Variants in SP3 observed in about 807,000 individuals in gnomAD.
SP3 encodes Sp3 transcription factor, also known as transcription factor Sp3.
SP3 carries 10 observed loss-of-function variants against 70.3 expected under a neutral mutation model. That is an observed-to-expected ratio of 0.14 (90% CI 0.09 to 0.24). The LOEUF (loss-of-function observed/expected upper bound fraction) is 0.24, where lower values mean the gene tolerates loss of function less well. SP3 is among the 10% of genes least tolerant of loss of function. The probability of loss-of-function intolerance (pLI) is 1.00; values close to 1 mark genes in which losing one functional copy is unlikely to be tolerated. For missense variants in SP3, 825 were observed against 914.6 expected, an observed-to-expected ratio of 0.90 and a Z score of 1.26; for synonymous variants, 402 against 333.5, an observed-to-expected ratio of 1.21 and a Z score of -2.24.
rs567931963 is a variant in SP3 at position 173,900,924 on chromosome 2, T to C, written c.*9017A>G. 2.0e-5 allele frequency among the ~76,000 whole-genome samples: 3 copies of C among 152,328 alleles called. No individual in the cohort carries two copies. Among genetic ancestry groups the C allele is most frequent in the Admixed American group, 6.5e-5 (1 of 15,288 alleles). On this transcript the variant is annotated 3_prime_UTR_variant, in exon 7 of 7. Transcript: ENST00000310015. ...ATTCTAATAAAAAACCTTAACCCGATTGTTTAATTCTACATAATCATTTAA... is the reference window on the plus strand; with the variant it reads ...ATTCTAATAAAAAACCTTAACCCGACTGTTTAATTCTACATAATCATTTAA...
intron 4 of SP3, among the ~76,000 whole-genome samples, chr2:173,952,100 C>CTTT (rs1285520909): frequency 8.7e-5 from 11 of 125,772 alleles, no homozygotes; most frequent in Non-Finnish European, 1.7e-4. Context: ...AGGCTCACTT[C>CTTT]ATTTTTTTTT....
At chr2:173,943,251 A>T (rs1370498410) in intron 4 of SP3, among the ~76,000 whole-genome samples, 3 of 152,116 alleles carry the variant, frequency 2.0e-5, no homozygotes, top group Admixed American at 6.5e-5. Flanking sequence ...GGCGTATATT[A>T]TCTGGCCCCT....
chr2:173,959,442 C>A (rs996355457), intron 3 of SP3, among the ~76,000 whole-genome samples: 1 of 150,560 alleles, frequency 6.6e-6, no homozygotes, highest in Non-Finnish European at 1.5e-5. Context: ...AACGTACAAC[C>A]GTGACAGGGC....
At chr2:173,922,915 A>G (rs1443551582) in intron 4 of SP3, among the ~76,000 whole-genome samples, 1 of 152,196 alleles carries the variant, frequency 6.6e-6, no homozygotes, top group Non-Finnish European at 1.5e-5. Flanking sequence ...TTGGCAGTAC[A>G]GTTCCTAGGT....
At chr2:173,959,582 C>G (rs147777346) in intron 3 of SP3, among the ~76,000 whole-genome samples, 10 of 151,868 alleles carry the variant, frequency 6.6e-5, no homozygotes, top group African/African-American at 2.4e-4. Context: ...AAAAATTAGC[C>G]GGGCATGGTG....
At chr2:173,923,649 ATCTTTT>A (rs1196059116) in intron 4 of SP3, among the ~76,000 whole-genome samples, 1 of 152,116 alleles carries the variant, frequency 6.6e-6, no homozygotes, top group East Asian at 1.9e-4. Flanking sequence ...ATGAGACATT[ATCTTTT>A]ATCAATAGTG....
chr2:173,935,708 T>C (rs991136498), intron 4 of SP3, among the ~76,000 whole-genome samples: 1 of 152,202 alleles, frequency 6.6e-6, no homozygotes, highest in African/African-American at 2.4e-5. Context: ...TCCTACAGAA[T>C]TCCATTCCTT....
At chr2:173,960,569 T>C (rs1691036524) in intron 3 of SP3, among the ~76,000 whole-genome samples, 1 of 152,230 alleles carries the variant, frequency 6.6e-6, no homozygotes, top group African/African-American at 2.4e-5. Context: ...AAAATAACTT[T>C]TTTGAAGTAA....
Position 173,965,242 on chromosome 2 carries a change from G to A in SP3, c.-71C>T. ...ATGGTGAGGAGCGAAGGCGGCGGCG[G>A]CGGGAGAGGATGCGGGAAGCGGCGG... On this transcript the variant is annotated 5_prime_UTR_variant, in exon 1 of 7. Coordinates refer to ENST00000310015, the MANE Select transcript of SP3 (RefSeq NM_003111.5). 1 of 1,531,958 alleles carries A rather than the reference G, an allele frequency of 6.5e-7. No individual in the cohort carries two copies. Among genetic ancestry groups the A allele is most frequent in the Non-Finnish European group, 8.8e-7 (1 of 1,133,240 alleles). The allele number at this position is 1,531,958 out of a possible 1,614,324, so 94.9% of individuals were successfully genotyped here.
intron 4 of SP3, among the ~76,000 whole-genome samples, chr2:173,946,165 A>T (rs6433455): frequency 0.67 from 101,779 of 151,972 alleles, 34,610 homozygotes; most frequent in African/African-American, 0.78. Flanking sequence ...CCAGCAAAAA[A>T]AAAACTTTAA....
At position 173,964,007 on chromosome 2, in the gene SP3, C is replaced by G. The variant is rs1691180598; in HGVS notation, c.157-124G>C. 7.6e-6 allele frequency: 4 copies of G among 525,772 alleles called. No individual in the cohort carries two copies. The South Asian group carries it at 1.4e-4, about 18-fold the overall frequency. 32.6% of individuals were successfully genotyped at this position (525,772 alleles called of 1,614,324 possible). ...CGACTGCGCCCGGGCAAGCGCCAGC[C>G]CGCGCTCTCCTCCTCCTCCTCCTCC... On this transcript the variant is annotated intron_variant, in intron 2 of 6. Transcript: ENST00000310015.
intron 3 of SP3, among the ~76,000 whole-genome samples, chr2:173,958,633 A>C (rs1415651733): frequency 6.6e-6 from 1 of 151,906 alleles, no homozygotes; most frequent in Non-Finnish European, 1.5e-5. Flanking sequence ...AAGCAAGAAA[A>C]GGAACTTTTT....
chr2:173,947,842 A>AT (rs1690590399), intron 4 of SP3, among the ~76,000 whole-genome samples: 1 of 152,142 alleles, frequency 6.6e-6, no homozygotes, highest in Admixed American at 6.5e-5. Flanking sequence ...TGCAAGCCCC[A>AT]AAACTCATAT....
intron 4 of SP3, among the ~76,000 whole-genome samples, chr2:173,929,315 C>T (rs2105470376): frequency 6.6e-6 from 1 of 152,220 alleles, no homozygotes; most frequent in East Asian, 1.9e-4. Flanking sequence ...TTTATTCTTC[C>T]CACATGAAAA....
intron 4 of SP3, among the ~76,000 whole-genome samples, chr2:173,928,177 C>A (rs1161036812): frequency 6.6e-6 from 1 of 152,118 alleles, no homozygotes; most frequent in Admixed American, 6.6e-5. Flanking sequence ...TAAATTAGGA[C>A]TAAAGAAAGG....
chr2:173,912,946 T>C (rs1689528385), intron 6 of SP3, 124 bp downstream of exon 6: 3 of 611,908 alleles, frequency 4.9e-6, no homozygotes, highest in Admixed American at 4.3e-5. Context: ...AAGGTAAAAA[T>C]TGGATGTAAT....
intron 4 of SP3, among the ~76,000 whole-genome samples, chr2:173,934,745 T>C (rs1690165926): frequency 6.6e-6 from 1 of 152,154 alleles, no homozygotes; most frequent in African/African-American, 2.4e-5. Context: ...ACTCTACTTA[T>C]TTATCAACAA....
chr2:173,925,183 C>A (rs1689876162), intron 4 of SP3, among the ~76,000 whole-genome samples: 1 of 152,218 alleles, frequency 6.6e-6, no homozygotes, highest in Non-Finnish European at 1.5e-5. Context: ...CAGGCGTGAG[C>A]CACCACGCTC....
Position 173,952,530 on chromosome 2 carries a change from T to A in SP3, c.1639+2343A>T, listed in dbSNP as rs73030141. On this transcript the variant is annotated intron_variant, in intron 4 of 6. Transcript: ENST00000310015. ...TCTTTGGAAAACCGGTTAAACCCAA[T>A]TGCCATATAACCCAGCAATCCAGTC... 4.8e-3 allele frequency among the ~76,000 whole-genome samples: 731 copies of A among 152,234 alleles called. 3 individuals are homozygous for A. Among genetic ancestry groups the A allele is most frequent in the African/African-American group, 0.017 (699 of 41,516 alleles).
Sources: gnomAD v4.1 joint callset for allele counts (sites outside exome capture counted in the v4.1 genomes callset) on GRCh38, gnomAD v4.1.1 for gene constraint, MANE v1.5 for transcripts, NCBI Gene and HGNC (gene_info 2026-07-23, HGNC 2026-07-21) for gene names.